Variants in EIF2AK1 observed in about 807,000 individuals in gnomAD.
EIF2AK1 encodes the protein eukaryotic translation initiation factor 2-alpha kinase 1.
A neutral mutation model predicts 77.9 loss-of-function variants in EIF2AK1; 54 were observed. The ratio of observed to expected loss-of-function variants is 0.69; its 90% CI spans 0.56 to 0.87. EIF2AK1 has a LOEUF of 0.87. Ranked by LOEUF, EIF2AK1 falls within the 40% of genes least tolerant of loss-of-function variation. EIF2AK1 has a pLI of 0.00. For missense variants in EIF2AK1, 810 were observed against 768.6 expected, an observed-to-expected ratio of 1.05 and a Z score of -0.64; for synonymous variants, 314 against 290.5, an observed-to-expected ratio of 1.08 and a Z score of -0.82.
intron 11 of EIF2AK1, 84 bp from the exon 12 acceptor site, chr7:6,029,116 C>T (rs957722734): frequency 1.4e-5 from 16 of 1,168,628 alleles, no homozygotes; most frequent in Non-Finnish European, 1.7e-5. Flanking sequence ...GTGTTTGGAA[C>T]TCAGGAGCAA....
Position 6,023,633 on chromosome 7 carries a change from G to T in EIF2AK1, c.*1040C>A. 6.2e-7 allele frequency: 1 copy of T among 1,614,146 alleles called. No homozygotes were observed. The highest frequency in any genetic ancestry group is 1.1e-5 in the South Asian group (1 of 91,084). The stretch of plus-strand genomic sequence containing the variant: ...ACAGTGCCAGCCAATGTGCAGAGGT[G>T]GATGAGGTCTTGTGAAAACCTGGCT... On this transcript the variant is annotated 3_prime_UTR_variant, in exon 15 of 15. Transcript: ENST00000199389.
At chr7:6,041,354 C>A in intron 8 of EIF2AK1, 135 bp from the exon 9 acceptor site, 1 of 872,072 alleles carries the variant, frequency 1.1e-6, no homozygotes, top group East Asian at 2.6e-5. Flanking sequence ...GCTTACCCAA[C>A]ATGGTAAAAC....
chr7:6,048,717 CAATATTAT>C (rs1788514079), intron 4 of EIF2AK1, 82 bp downstream of exon 4: 3 of 1,060,550 alleles, frequency 2.8e-6, no homozygotes, highest in Non-Finnish European at 4.2e-6. Flanking sequence ...ATAATACTAA[CAATATTAT>C]GTTTTAACCT....
Position 6,024,688 on chromosome 7 carries a change from A to G in EIF2AK1, c.1878T>C (p.Asp626=). 1.2e-6 allele frequency: 2 copies of G among 1,613,516 alleles called. No individual in the cohort carries two copies. Among genetic ancestry groups the G allele is most frequent in the Non-Finnish European group, 1.7e-6 (2 of 1,179,838 alleles). ...QDKGVRDDGK[D]GGVG Reference sequence around the variant, plus strand: ...AAGTCCACTTTCATCCCACGCCCCCATCCTTTCCGTCATCCCTCACCCCTT... The same window carrying G: ...AAGTCCACTTTCATCCCACGCCCCCGTCCTTTCCGTCATCCCTCACCCCTT... Residue 626 remains aspartate, a synonymous_variant, in exon 15 of 15, where the codon GAT becomes GAC. Coordinates refer to ENST00000199389, the MANE Select transcript of EIF2AK1 (RefSeq NM_014413.4).
At chr7:6,037,775 C>G (rs1562748210) in intron 10 of EIF2AK1, among the ~76,000 whole-genome samples, 1 of 151,870 alleles carries the variant, frequency 6.6e-6, no homozygotes, top group Non-Finnish European at 1.5e-5. Flanking sequence ...CAAAGTACCT[C>G]TAACTTCAAT....
rs746822296 is a variant in EIF2AK1, at chr7:6,026,847, G to C, written c.1645C>G (p.Leu549Val). 5.0e-6 allele frequency: 8 copies of C among 1,614,054 alleles called. No homozygotes were observed. In the African/African-American group the frequency reaches 5.3e-5, roughly 11 times the overall value. ...GLRTGQLPES[L>V]RKRCPVQAKY... ...GCTTGCACTGGACACCTTTTACGGAGGGATTCCGGCAACTGACCAGTTCTT... is the reference window on the plus strand; with the variant it reads ...GCTTGCACTGGACACCTTTTACGGACGGATTCCGGCAACTGACCAGTTCTT... Residue 549 changes from leucine to valine, a missense_variant, in exon 14 of 15, where the codon CTC (leucine) becomes GTC (valine). Around this residue, in one of 3 missense-constraint regions of EIF2AK1, gnomAD observed 549 missense variants for 533.7 expected, o/e 1.03. Transcript: ENST00000199389.
chr7:6,032,881 C>G lies in EIF2AK1; in HGVS notation c.1333-3849G>C. On this transcript the variant is annotated intron_variant, in intron 11 of 14. Coordinates refer to ENST00000199389, the MANE Select transcript of EIF2AK1 (RefSeq NM_014413.4). The surrounding 1 kb of genome is among the most constrained non-coding windows in gnomAD (Gnocchi z 4.3). The stretch of plus-strand genomic sequence containing the variant: ...CCCCATCCATCTGGCTGCCAAGTAC[C>G]ACAAGGCCCAGAGTCTGCTCTGCCT... 1.3e-6 allele frequency: 2 copies of G among 1,551,074 alleles called. No homozygotes were observed. Among genetic ancestry groups the G allele is most frequent in the Non-Finnish European group, 1.7e-6 (2 of 1,147,060 alleles).
intron 1 of EIF2AK1, among the ~76,000 whole-genome samples, chr7:6,055,939 TGC>T (rs1227901264): frequency 3.3e-5 from 4 of 121,464 alleles, no homozygotes; most frequent in African/African-American, 1.3e-4. Flanking sequence ...GCTGAGATCG[TGC>T]CATTGCACTC....
intron 14 of EIF2AK1, among the ~76,000 whole-genome samples, chr7:6,025,563 G>A (rs17343667): frequency 0.36 from 54,958 of 152,164 alleles, 10,988 homozygotes; most frequent in Middle Eastern, 0.52. Flanking sequence ...GATACAGTCA[G>A]GGAACTCTGA....
Position 6,044,598 on chromosome 7 carries a change from C to T in EIF2AK1, c.694G>A (p.Ala232Thr), listed in dbSNP as rs199687298. The change falls in exon 7 of 15, where the codon GCG becomes ACG. Residue 232 changes from alanine (A) to threonine (T), a missense_variant. This residue lies in a region of EIF2AK1 where 549 missense variants were observed against 533.7 expected (regional missense o/e 1.03). Transcript: ENST00000199389. ...ATCACATGAACATGTTCTATCCACG[C>T]GGTGTGATAGCCAACAATATTGGGG... The part of the protein sequence containing the change: ...QHPNIVGYHT[A>T]WIEHVHVIQP... 68 of 1,614,098 alleles carry T rather than the reference C, an allele frequency of 4.2e-5. No homozygotes were observed. The highest frequency in any genetic ancestry group is 2.4e-4 in the African/African-American group (18 of 75,052).
intron 10 of EIF2AK1, 22 bp downstream of exon 10, chr7:6,038,538 G>A (rs752306886): frequency 2.3e-5 from 37 of 1,589,614 alleles, no homozygotes; most frequent in Middle Eastern, 1.7e-4. Flanking sequence ...TTCCCGGCCC[G>A]GCAGACCCAG....
At chr7:6,058,007 C>A in intron 1 of EIF2AK1, 1 of 376,718 alleles carries the variant, frequency 2.7e-6, no homozygotes, top group Non-Finnish European at 5.2e-6. Flanking sequence ...ATTTCACTTT[C>A]ATCAAAATTG....
rs1787949417 is a variant in EIF2AK1 at position 6,032,651 on chromosome 7, A to T, written c.1333-3619T>A. Among the ~76,000 whole-genome samples, 1 of 152,220 alleles carries T rather than the reference A, an allele frequency of 6.6e-6. No individual in the cohort carries two copies. Among genetic ancestry groups the T allele is most frequent in the Non-Finnish European group, 1.5e-5 (1 of 68,038 alleles). On this transcript the variant is annotated intron_variant, in intron 11 of 14. Transcript: ENST00000199389. The surrounding 1 kb of genome is among the most constrained non-coding windows in gnomAD (Gnocchi z 4.3). ...TTCTGTGAAACACAGATTTTATAGG[A>T]TGGAATTCACTGAATTTTGATCATT...
At chr7:6,053,153 T>C (rs1378401535) in intron 2 of EIF2AK1, among the ~76,000 whole-genome samples, 2 of 152,192 alleles carry the variant, frequency 1.3e-5, no homozygotes, top group East Asian at 1.9e-4. Context: ...TACCAGACGC[T>C]TTCCAGACTC....
chr7:6,044,347 T>C (rs895246753), intron 7 of EIF2AK1, among the ~76,000 whole-genome samples: 1 of 151,366 alleles, frequency 6.6e-6, no homozygotes, highest in Non-Finnish European at 1.5e-5. Context: ...GGCGGGCACC[T>C]GTAGCCCCAG....
At position 6,036,460 on chromosome 7, in the gene EIF2AK1, A is replaced by T; in HGVS notation, c.1332+964T>A. ...TGCATTTTCTGGCTAGACATGTCCC[A>T]GAAAATGCTTCACCTATCACCTGTG... On this transcript the variant is annotated intron_variant, in intron 11 of 14. Coordinates refer to ENST00000199389, the MANE Select transcript of EIF2AK1 (RefSeq NM_014413.4). This position sits in a 1 kb window ranked among gnomAD's most constrained non-coding sequence, Gnocchi z 4.6. 1 of 1,108,060 alleles carries T rather than the reference A, an allele frequency of 9.0e-7. No homozygotes were observed. The highest frequency in any genetic ancestry group is 1.2e-6 in the Non-Finnish European group (1 of 813,518). 68.6% of individuals were successfully genotyped at this position (1,108,060 alleles called of 1,614,324 possible).
chr7:6,045,733 TTA>T lies in EIF2AK1; in HGVS notation c.630+336_630+337del, dbSNP rs57579824. On this transcript the variant is annotated intron_variant, in intron 6 of 14. Transcript: ENST00000199389. The stretch of plus-strand genomic sequence containing the variant: ...TTAAGAAGTTAACATATTTTAAAAA[TTA>T]TATATATATATATATATAAATTAGC... Among the ~76,000 whole-genome samples, 114 of 137,892 alleles carry T rather than the reference TTA, an allele frequency of 8.3e-4. 1 individual carries two copies. In the East Asian group the frequency reaches 9.1e-3, roughly 11 times the overall value. The allele number at this position is 137,892 out of a possible 152,430, so 90.5% of individuals were successfully genotyped here.
intron 9 of EIF2AK1, among the ~76,000 whole-genome samples, chr7:6,039,780 C>CA (rs1204234832): frequency 1.3e-5 from 2 of 150,692 alleles, no homozygotes; most frequent in Admixed American, 1.3e-4. Flanking sequence ...ACTAAAAATA[C>CA]AAAAAAATTA....
rs1221943311 is a variant in EIF2AK1, at chr7:6,046,076, T to C, written c.625A>G (p.Met209Val). ...GTAATTTTTAAAAATCATACCTTCA[T>C]GCAAACTGTTTTAGTTGCACCCTTA... Reference protein sequence around the residue: ...LIKGATKTVCMKVLREVKVLA... With the variant: ...LIKGATKTVCVKVLREVKVLA... Residue 209 changes from methionine to valine, a missense_variant, in exon 6 of 15, where the codon ATG (methionine) becomes GTG (valine). Coordinates refer to ENST00000199389, the MANE Select transcript of EIF2AK1 (RefSeq NM_014413.4). 6.5e-7 allele frequency: 1 copy of C among 1,541,760 alleles called. No individual in the cohort carries two copies. Among genetic ancestry groups the C allele is most frequent in the Non-Finnish European group, 8.8e-7 (1 of 1,137,942 alleles).
Sources: allele counts gnomAD v4.1 joint callset (sites outside exome capture counted in the v4.1 genomes callset), GRCh38; gene constraint gnomAD v4.1.1; regional missense constraint gnomAD v4.1.1; non-coding constraint Gnocchi (gnomAD v3.1); transcripts MANE v1.5; gene names NCBI Gene and HGNC (gene_info 2026-07-23, HGNC 2026-07-21).